The following NCALD variants were observed in gnomAD, a reference collection of about 807,000 sequenced individuals.
The protein encoded by NCALD is neurocalcin delta.
Under a neutral mutation model 18.6 loss-of-function variants are expected in NCALD, and 10 were observed. That is an observed-to-expected ratio of 0.54 (90% CI 0.33 to 0.91). NCALD has a LOEUF of 0.91. NCALD is among the 40% of genes least tolerant of loss of function. The pLI is 0.03. For synonymous variants in NCALD, 88 were observed against 87.4 expected (o/e 1.01, Z -0.04); for missense variants, 184 against 247.6 (o/e 0.74, Z 1.72).
chr8:101,984,787 A>C (rs1820742909), intron 2 of NCALD, among the ~76,000 whole-genome samples: 1 of 152,188 alleles, frequency 6.6e-6, no homozygotes, highest in African/African-American at 2.4e-5. Flanking sequence ...TTGACTTTTA[A>C]GTCACAGAGA....
chr8:101,693,388 G>T (rs1814838948), intron 2 of NCALD: 1 of 128,124 alleles, frequency 7.8e-6, no homozygotes, highest in South Asian at 2.4e-4. Flanking sequence ...GCCCAAGCTG[G>T]TCTCGAACTC....
chr8:102,120,077 T>C (rs1199480810), intron 1 of NCALD, among the ~76,000 whole-genome samples: 2 of 152,222 alleles, frequency 1.3e-5, no homozygotes, highest in African/African-American at 2.4e-5. Context: ...AGTGCATAAA[T>C]TGTGGATTTC....
intron 1 of NCALD, among the ~76,000 whole-genome samples, chr8:101,766,809 C>T (rs1355073871): frequency 6.6e-6 from 1 of 152,194 alleles, no homozygotes; most frequent in Non-Finnish European, 1.5e-5. Context: ...GAACTTCTGA[C>T]CTCAGGTGAT....
At chr8:101,726,478 T>C (rs1053491119) in intron 1 of NCALD, among the ~76,000 whole-genome samples, 5 of 152,086 alleles carry the variant, frequency 3.3e-5, no homozygotes, top group African/African-American at 1.2e-4. Context: ...GCTTGGTTGA[T>C]GGTTCATATG....
At chr8:102,015,045 G>A (rs1822035167) in intron 2 of NCALD, among the ~76,000 whole-genome samples, 2 of 152,086 alleles carry the variant, frequency 1.3e-5, no homozygotes, top group South Asian at 2.1e-4. Flanking sequence ...TGATGCTCCC[G>A]AGATGGCTAG....
Position 101,688,791 on chromosome 8 carries a change from C to A in NCALD, c.*518G>T. Reference sequence around the variant, plus strand: ...CTGCTGGGGAAGAGAGGGGAGTGGGCCCCCATGGGGAAATGTCCCAGCTCG... The same window carrying A: ...CTGCTGGGGAAGAGAGGGGAGTGGGACCCCATGGGGAAATGTCCCAGCTCG... On this transcript the variant is annotated 3_prime_UTR_variant, in exon 4 of 4. Transcript: ENST00000220931. The A allele has an allele frequency of 1.6e-6, 1 of 606,064 alleles. No individual in the cohort carries two copies. The highest frequency in any genetic ancestry group is 1.5e-5 in the South Asian group (1 of 65,390). The allele number at this position is 606,064 out of a possible 1,614,324, so 37.5% of individuals were successfully genotyped here. A position where few individuals can be genotyped will look rare whatever the true frequency, so the allele number is the denominator to read the frequency against.
At chr8:101,796,339 A>G (rs1413746207) in intron 4 of NCALD, among the ~76,000 whole-genome samples, 1 of 152,210 alleles carries the variant, frequency 6.6e-6, no homozygotes, top group East Asian at 1.9e-4. Context: ...GGTCTAACTG[A>G]CCACAATCTC....
chr8:101,984,100 A>C (rs1014609149), intron 2 of NCALD, among the ~76,000 whole-genome samples: 2 of 152,196 alleles, frequency 1.3e-5, no homozygotes, highest in Admixed American at 6.5e-5. Flanking sequence ...GGTTTCCACA[A>C]ACCATGAGCA....
At chr8:101,814,966 C>T (rs2131159216) in intron 4 of NCALD, among the ~76,000 whole-genome samples, 1 of 151,940 alleles carries the variant, frequency 6.6e-6, no homozygotes, top group South Asian at 2.1e-4. Flanking sequence ...TGAACAAAAT[C>T]AAAGAACTAA....
intron 1 of NCALD, among the ~76,000 whole-genome samples, chr8:102,093,234 T>C (rs1244904734): frequency 6.6e-6 from 1 of 152,152 alleles, no homozygotes; most frequent in Admixed American, 6.5e-5. Context: ...TAAAGAACTA[T>C]CCTAGGTGCT....
At chr8:102,076,094 T>C (rs890187141) in intron 1 of NCALD, among the ~76,000 whole-genome samples, 1 of 152,050 alleles carries the variant, frequency 6.6e-6, no homozygotes, top group Admixed American at 6.5e-5. Context: ...ATAAAACTTG[T>C]GTATGCTATC....
At chr8:101,801,912 C>A (rs1016042683) in intron 4 of NCALD, among the ~76,000 whole-genome samples, 1 of 151,792 alleles carries the variant, frequency 6.6e-6, no homozygotes, top group Non-Finnish European at 1.5e-5. Flanking sequence ...GTGATCCGCC[C>A]GCCTCGGCCT....
chr8:101,782,262 G>A (rs1445043670), intron 1 of NCALD, among the ~76,000 whole-genome samples: 1 of 152,050 alleles, frequency 6.6e-6, no homozygotes, highest in Non-Finnish European at 1.5e-5. Flanking sequence ...AAGTTACACA[G>A]CTTTGCCTAC....
At chr8:101,935,605 G>T (rs1201639583) in intron 2 of NCALD, among the ~76,000 whole-genome samples, 1 of 152,144 alleles carries the variant, frequency 6.6e-6, no homozygotes, top group Non-Finnish European at 1.5e-5. Context: ...GTTTGGTAAT[G>T]TCAAGGTCAC....
chr8:102,124,505 C>CCG (rs1826052089), upstream of NCALD: 1 of 97,880 alleles, frequency 1.0e-5, no homozygotes, highest in East Asian at 2.5e-4. Flanking sequence ...CGCCCCCCCC[C>CCG]TCCCCCGCTT....
At chr8:101,807,827 C>A (rs1369778056) in intron 4 of NCALD, among the ~76,000 whole-genome samples, 1 of 152,098 alleles carries the variant, frequency 6.6e-6, no homozygotes, top group Non-Finnish European at 1.5e-5. Flanking sequence ...TTAATAAAAG[C>A]ATTTAATTTT....
chr8:101,900,056 C>G (rs1251737970), intron 3 of NCALD, among the ~76,000 whole-genome samples: 2 of 151,850 alleles, frequency 1.3e-5, no homozygotes, highest in Non-Finnish European at 1.5e-5. Context: ...AGTTACAAGA[C>G]TATCAAAATT....
intron 2 of NCALD, among the ~76,000 whole-genome samples, chr8:102,015,318 A>G (rs1822046733): frequency 6.6e-6 from 1 of 152,166 alleles, no homozygotes; most frequent in Non-Finnish European, 1.5e-5. Flanking sequence ...ATTCTATTGC[A>G]ACATTCCTGC....
At chr8:101,879,577 C>T (rs775845645) in intron 4 of NCALD, among the ~76,000 whole-genome samples, 16 of 152,166 alleles carry the variant, frequency 1.1e-4, no homozygotes, top group Non-Finnish European at 2.1e-4. Flanking sequence ...GGGACCTCAA[C>T]GGGTTACAAC....
Sources: gnomAD v4.1 joint callset for allele counts (sites outside exome capture counted in the v4.1 genomes callset) on GRCh38, gnomAD v4.1.1 for gene constraint, MANE v1.5 for transcripts, NCBI Gene and HGNC (gene_info 2026-07-23, HGNC 2026-07-21) for gene names.